COG5: variants seen among roughly 807,000 people sequenced by gnomAD.
The protein encoded by COG5 is conserved oligomeric Golgi complex subunit 5.
In COG5, 86 loss-of-function variants were observed where a neutral mutation model predicts 110.4. The ratio of observed to expected loss-of-function variants is 0.78; its 90% CI spans 0.65 to 0.93. COG5 has a LOEUF of 0.93. Among genes scored for constraint, COG5 ranks in the 40% least tolerant of loss-of-function variants. The pLI is 0.00. For missense variants in COG5, 1,077 were observed against 987.0 expected (o/e 1.09, Z -1.22); for synonymous variants, 360 against 334.6 (o/e 1.08, Z -0.83).
chr7:107,256,863 T>C (rs1802924956), intron 15 of COG5, 69 bp from the exon 16 acceptor site: 10 of 1,078,162 alleles, frequency 9.3e-6, no homozygotes, highest in African/African-American at 3.1e-5. Context: ...ATTTTGATCA[T>C]AGCATAATAA....
At chr7:107,548,083 G>C (rs1233882056) in intron 5 of COG5, 28 bp downstream of exon 5, 1 of 1,573,222 alleles carries the variant, frequency 6.4e-7, no homozygotes, top group Non-Finnish European at 8.7e-7. Context: ...GAATAATAAA[G>C]TATAAAGAAA....
intron 6 of COG5, among the ~76,000 whole-genome samples, chr7:107,495,650 A>G (rs910350972): frequency 2.6e-5 from 4 of 152,190 alleles, no homozygotes; most frequent in African/African-American, 7.2e-5. Flanking sequence ...AAAGACTTCA[A>G]AGCAGCTACT....
At chr7:107,260,941 GTTTT>G (rs1182363145) in intron 14 of COG5, among the ~76,000 whole-genome samples, 1 of 150,514 alleles carries the variant, frequency 6.6e-6, no homozygotes, top group Non-Finnish European at 1.5e-5. Context: ...TCTTGTCATA[GTTTT>G]TTTGTTTGTT....
chr7:107,563,170 C>A (rs932227391), intron 1 of COG5, among the ~76,000 whole-genome samples: 1 of 152,108 alleles, frequency 6.6e-6, no homozygotes, highest in Non-Finnish European at 1.5e-5. Flanking sequence ...TTATTTTGGG[C>A]AACTTCTCTC....
At chr7:107,237,669 A>G (rs932041222) in intron 17 of COG5, among the ~76,000 whole-genome samples, 3 of 152,346 alleles carry the variant, frequency 2.0e-5, no homozygotes, top group African/African-American at 7.2e-5. Flanking sequence ...AGATAGAAGA[A>G]GTAGGCCTAT....
At chr7:107,454,461 G>A (rs554923502) in intron 6 of COG5, among the ~76,000 whole-genome samples, 61 of 152,116 alleles carry the variant, frequency 4.0e-4, no homozygotes, top group African/African-American at 1.3e-3. Context: ...GTTTTTTAAC[G>A]TCTTTATTCT....
chr7:107,492,305 G>A (rs1269173521), intron 6 of COG5, among the ~76,000 whole-genome samples: 2 of 151,900 alleles, frequency 1.3e-5, no homozygotes, highest in Non-Finnish European at 1.5e-5. Context: ...CCATGTAACT[G>A]ACGTGGTACA....
intron 14 of COG5, among the ~76,000 whole-genome samples, chr7:107,280,663 T>C (rs1284887025): frequency 6.6e-6 from 1 of 152,014 alleles, no homozygotes; most frequent in African/African-American, 2.4e-5. Flanking sequence ...AGCATACATA[T>C]ATACTAGTGA....
rs1264519715 is a variant in COG5 at position 107,362,087 on chromosome 7, C to A, written c.972G>T (p.Leu324Phe). The change falls in exon 10 of 22, where the codon TTG becomes TTT. Residue 324 changes from leucine to phenylalanine, a missense_variant. Leu to Phe is a conservative substitution (Grantham distance 22). Coordinates refer to ENST00000297135, the MANE Select transcript of COG5 (RefSeq NM_006348.5). Reference sequence around the variant, plus strand: ...GAGAAACAGGATCTCTCTTCTTGGCCAATACTTTTTGTAGATGTTGTACCT... The same window carrying A: ...GAGAAACAGGATCTCTCTTCTTGGCAAATACTTTTTGTAGATGTTGTACCT... ...CGQVQHLQKV[L>F]AKKRDPVSHI... The A allele has an allele frequency of 1.9e-6, 3 of 1,608,806 alleles. No individual in the cohort carries two copies. The East Asian group carries it at 6.7e-5, about 36-fold the overall frequency.
At chr7:107,517,024 G>A (rs555883531) in intron 6 of COG5, among the ~76,000 whole-genome samples, 1 of 152,310 alleles carries the variant, frequency 6.6e-6, no homozygotes, top group African/African-American at 2.4e-5. Context: ...ATTGACAGAA[G>A]TAGGCTTCAG....
rs1232891307 is a variant in COG5, at chr7:107,298,224, C to T, written c.1231G>A (p.Gly411Arg). The change falls in exon 12 of 22, where the codon GGA becomes AGA. Residue 411 changes from glycine to arginine, a missense_variant. Gly to Arg is a moderately radical substitution (Grantham distance 125). Coordinates refer to ENST00000297135, the MANE Select transcript of COG5 (RefSeq NM_006348.5). ...AGGTCAACATAGAGGTCTGTAGTTC[C>T]ACTTGCATTAAAATTCCCTTGGATA... ...QHIQGNFNAS[G>R]TTDLYVDLQH... The T allele has an allele frequency of 1.2e-6, 2 of 1,613,606 alleles. No homozygotes were observed. The highest frequency in any genetic ancestry group is 2.2e-5 in the East Asian group (1 of 44,800).
chr7:107,522,352 C>T (rs904755654), intron 6 of COG5, among the ~76,000 whole-genome samples: 4 of 152,174 alleles, frequency 2.6e-5, no homozygotes, highest in African/African-American at 9.6e-5. Context: ...CCTGTAATCC[C>T]GGCTACTCAG....
intron 6 of COG5, among the ~76,000 whole-genome samples, chr7:107,438,041 G>T (rs1481791117): frequency 2.0e-5 from 3 of 152,034 alleles, no homozygotes; most frequent in Non-Finnish European, 4.4e-5. Context: ...TTCCTACCTG[G>T]AAACTAGATT....
chr7:107,554,201 T>C lies in COG5; in HGVS notation c.292+84A>G, dbSNP rs1263902972. 4.2e-6 allele frequency: 5 copies of C among 1,176,768 alleles called. No individual in the cohort carries two copies. The East Asian group carries it at 7.1e-5, about 17-fold the overall frequency. The allele number at this position is 1,176,768 out of a possible 1,614,324, so 72.9% of individuals were successfully genotyped here. On this transcript the variant is annotated intron_variant, in intron 3 of 21. Coordinates refer to ENST00000297135, the MANE Select transcript of COG5 (RefSeq NM_006348.5). Reference sequence around the variant, plus strand: ...ACTGTATGGCTGGCAAAGTCTAAAATACTTGCCATCCAAAGTAGCTTGCCA... The same window carrying C: ...ACTGTATGGCTGGCAAAGTCTAAAACACTTGCCATCCAAAGTAGCTTGCCA...
At chr7:107,274,325 A>T (rs1342178833) in intron 14 of COG5, among the ~76,000 whole-genome samples, 1 of 152,154 alleles carries the variant, frequency 6.6e-6, no homozygotes, top group African/African-American at 2.4e-5. Flanking sequence ...AATTAAAATT[A>T]AAAAAGTTCA....
Position 107,548,937 on chromosome 7 carries a change from T to G in COG5, c.293-605A>C, listed in dbSNP as rs1035685814. Among the ~76,000 whole-genome samples the G allele has an allele frequency of 2.6e-5, 4 of 152,218 alleles. No individual in the cohort carries two copies. The East Asian group carries it at 5.8e-4, about 22-fold the overall frequency. On this transcript the variant is annotated intron_variant, in intron 3 of 21. Transcript: ENST00000297135. ...TTTAATTATTTTGAATGCCATTCTT[T>G]AAAATTCAGTTTCTATATCCAACTG...
rs757388709 is a variant in COG5 at position 107,211,240 on chromosome 7, CAG to C, written c.2169-17_2169-16del. The C allele has an allele frequency of 5.6e-6, 9 of 1,613,274 alleles. No individual in the cohort carries two copies. Among genetic ancestry groups the C allele is most frequent in the Middle Eastern group, 1.6e-4 (1 of 6,082 alleles). ...AGAGCAGAGGTCTAGACGGGAAAAA[CAG>C]AAGTTATTTCACACTGTTCAATACT... On this transcript the variant is annotated splice_polypyrimidine_tract_variant and intron_variant, in intron 19 of 21. Coordinates refer to ENST00000297135, the MANE Select transcript of COG5 (RefSeq NM_006348.5).
rs1004524677 is a variant in COG5, at chr7:107,219,571, T to C, written c.2169-8346A>G. The stretch of plus-strand genomic sequence containing the variant: ...CTGGAGGACATTACGTTAAGCTAAA[T>C]AAACCAGACACAGAAACACAAATAC... On this transcript the variant is annotated intron_variant, in intron 19 of 21. Transcript: ENST00000297135. Among the ~76,000 whole-genome samples the C allele has an allele frequency of 1.8e-4, 28 of 152,294 alleles. No individual in the cohort carries two copies. The East Asian group carries it at 5.4e-3, about 29-fold the overall frequency.
At chr7:107,218,953 C>T (rs1317275901) in intron 19 of COG5, among the ~76,000 whole-genome samples, 1 of 151,926 alleles carries the variant, frequency 6.6e-6, no homozygotes, top group African/African-American at 2.4e-5. Context: ...AGCCATACAT[C>T]TGATAAGAAG....
Sources: allele counts gnomAD v4.1 joint callset (sites outside exome capture counted in the v4.1 genomes callset), GRCh38; gene constraint gnomAD v4.1.1; transcripts MANE v1.5; gene names NCBI Gene and HGNC (gene_info 2026-07-23, HGNC 2026-07-21).